The following ASXL3 variants were observed in gnomAD, a reference collection of about 807,000 sequenced individuals.
ASXL3 encodes putative Polycomb group protein ASXL3.
In ASXL3, 34 loss-of-function variants were observed where a neutral mutation model predicts 170.6. The observed-to-expected ratio is 0.20, with a 90% CI of 0.15 to 0.27. ASXL3 has a LOEUF of 0.27. ASXL3 is among the 10% of genes least tolerant of loss of function. ASXL3 has a pLI of 1.00. For synonymous variants in ASXL3, 1,002 were observed against 989.1 expected (o/e 1.01, Z -0.24); for missense variants, 2,592 against 2,695.3 (o/e 0.96, Z 0.85).
At chr18:33,629,799 C>T (rs553759868) in intron 2 of ASXL3, among the ~76,000 whole-genome samples, 1 of 152,042 alleles carries the variant, frequency 6.6e-6, no homozygotes, top group African/African-American at 2.4e-5. Flanking sequence ...TTCTGTAAAA[C>T]AAAAGTAATA....
chr18:33,706,851 C>G (rs1290256898), intron 8 of ASXL3, among the ~76,000 whole-genome samples: 2 of 151,800 alleles, frequency 1.3e-5, no homozygotes, highest in African/African-American at 4.8e-5. Context: ...GCTTATTTGT[C>G]TTAATATATT....
At chr18:33,677,111 T>G (rs1041542662) in intron 7 of ASXL3, among the ~76,000 whole-genome samples, 1 of 152,026 alleles carries the variant, frequency 6.6e-6, no homozygotes, top group Non-Finnish European at 1.5e-5. Flanking sequence ...TCCGAGGGGG[T>G]TTTAATAAAT....
chr18:33,620,499 A>G (rs192397662), intron 2 of ASXL3, among the ~76,000 whole-genome samples: 4 of 152,288 alleles, frequency 2.6e-5, no homozygotes, highest in African/African-American at 7.2e-5. Context: ...AGGAAGTACT[A>G]GTAGGAATTG....
intron 7 of ASXL3, among the ~76,000 whole-genome samples, chr18:33,674,282 T>C (rs764534583): frequency 2.0e-5 from 3 of 152,164 alleles, no homozygotes; most frequent in Non-Finnish European, 4.4e-5. Flanking sequence ...GAGACTACCA[T>C]AGGTGTTAAA....
chr18:33,650,250 T>C (rs1290952456), intron 4 of ASXL3, among the ~76,000 whole-genome samples: 1 of 151,838 alleles, frequency 6.6e-6, no homozygotes, highest in East Asian at 1.9e-4. Flanking sequence ...ATAAGTACAG[T>C]AGGTTGAATA....
intron 4 of ASXL3, among the ~76,000 whole-genome samples, chr18:33,658,034 G>A (rs1458108144): frequency 1.3e-5 from 2 of 152,058 alleles, no homozygotes; most frequent in African/African-American, 4.8e-5. Flanking sequence ...AGAAAAGATA[G>A]CTCCTGTTCT....
At chr18:33,626,468 A>G (rs913048106) in intron 2 of ASXL3, among the ~76,000 whole-genome samples, 2 of 152,024 alleles carry the variant, frequency 1.3e-5, no homozygotes, top group Admixed American at 1.3e-4. Context: ...TATAATATCA[A>G]ATAGACCTTC....
rs565269078 is a variant in ASXL3, at chr18:33,632,923, TG to T, written c.138-11969del. ...GCTCCTTGCCATGGCATTTAAACTG[TG>T]GAACTAAATGTCATGAGCCATGAAG... is the stretch of plus-strand genomic sequence containing the variant. On this transcript the variant is annotated intron_variant, in intron 2 of 11. Transcript: ENST00000269197. Among the ~76,000 whole-genome samples the T allele has an allele frequency of 1.5e-3, 226 of 152,302 alleles. 1 individual carries two copies. Among genetic ancestry groups the T allele is most frequent in the African/African-American group, 4.4e-3 (184 of 41,582 alleles).
intron 8 of ASXL3, among the ~76,000 whole-genome samples, chr18:33,716,826 A>G (rs1364916067): frequency 6.6e-6 from 1 of 150,918 alleles, no homozygotes; most frequent in African/African-American, 2.4e-5. Context: ...ATAATAGATT[A>G]CTCAGTGTAA....
chr18:33,595,117 T>C (rs2065114012), intron 1 of ASXL3, among the ~76,000 whole-genome samples: 1 of 152,196 alleles, frequency 6.6e-6, no homozygotes, highest in Non-Finnish European at 1.5e-5. Context: ...AGTCCTATTT[T>C]TGAAGCCTTG....
At chr18:33,579,952 C>CT (rs2064978594) in intron 1 of ASXL3, among the ~76,000 whole-genome samples, 3 of 152,296 alleles carry the variant, frequency 2.0e-5, no homozygotes, top group African/African-American at 7.2e-5. Context: ...AAGTAATTAT[C>CT]TGAGTTTGGT....
chr18:33,654,350 A>C (rs1334195090), intron 4 of ASXL3, among the ~76,000 whole-genome samples: 2 of 152,066 alleles, frequency 1.3e-5, no homozygotes, highest in African/African-American at 4.8e-5. Flanking sequence ...TGTAGATATG[A>C]ACAAAACACT....
intron 2 of ASXL3, among the ~76,000 whole-genome samples, chr18:33,630,570 A>G (rs2065662678): frequency 6.6e-6 from 1 of 152,036 alleles, no homozygotes; most frequent in Admixed American, 6.6e-5. Context: ...TGCCAGTCTT[A>G]ACACTAGTGG....
chr18:33,643,534 C>T (rs922415783), intron 2 of ASXL3, among the ~76,000 whole-genome samples: 3 of 151,770 alleles, frequency 2.0e-5, no homozygotes, highest in Admixed American at 6.6e-5. Flanking sequence ...TATATGTTGG[C>T]ACAGAGAAGC....
At chr18:33,681,174 A>T in intron 7 of ASXL3, among the ~76,000 whole-genome samples, 1 of 152,026 alleles carries the variant, frequency 6.6e-6, no homozygotes, top group Admixed American at 6.6e-5. Flanking sequence ...GCATACAGTT[A>T]TTGTGAATTA....
Position 33,744,190 on chromosome 18 carries a change from G to A in ASXL3, c.4342G>A (p.Asp1448Asn), listed in dbSNP as rs766749633. 3 of 1,613,830 alleles carry A rather than the reference G, an allele frequency of 1.9e-6. No homozygotes were observed. In the East Asian group the frequency reaches 6.7e-5, roughly 36 times the overall value. The change falls in exon 12 of 12, where the codon GAT becomes AAT. Residue 1448 changes from aspartate (D) to asparagine (N), a missense_variant. Transcript: ENST00000269197. ...AAATTCAGGGCCTCGAAACAGGGCA[G>A]ATAATTCTGGAAAACCTCAGCAACC... ...DKNSGPRNRA[D>N]NSGKPQQPPG...
intron 5 of ASXL3, among the ~76,000 whole-genome samples, chr18:33,662,937 G>T (rs1414856238): frequency 6.6e-6 from 1 of 152,018 alleles, no homozygotes; most frequent in East Asian, 1.9e-4. Flanking sequence ...AGAAAACATA[G>T]GAAAGAAACT....
chr18:33,579,683 T>G (rs998093066), intron 1 of ASXL3, among the ~76,000 whole-genome samples: 1 of 152,118 alleles, frequency 6.6e-6, no homozygotes, highest in South Asian at 2.1e-4. Flanking sequence ...TTCTGTACAG[T>G]GTGTCTCGGG....
At chr18:33,672,040 A>C (rs564509519) in intron 7 of ASXL3, among the ~76,000 whole-genome samples, 174 bp downstream of exon 7, 9 of 152,344 alleles carry the variant, frequency 5.9e-5, no homozygotes, top group African/African-American at 2.2e-4. Flanking sequence ...GTTACAACTG[A>C]ATGGTCTTAA....
Sources: allele counts gnomAD v4.1 joint callset (sites outside exome capture counted in the v4.1 genomes callset), GRCh38; gene constraint gnomAD v4.1.1; transcripts MANE v1.5; gene names NCBI Gene and HGNC (gene_info 2026-07-23, HGNC 2026-07-21).